Variants in CEP128 observed in about 807,000 individuals in gnomAD.
CEP128 encodes the protein centrosomal protein 128, also known as centrosomal protein 128kDa.
A neutral mutation model predicts 156.7 loss-of-function variants in CEP128; 132 were observed. The observed-to-expected ratio is 0.84, with a 90% CI of 0.73 to 0.97. The LOEUF (loss-of-function observed/expected upper bound fraction) is 0.97. Ranked by LOEUF, CEP128 falls within the 50% of genes least tolerant of loss-of-function variation. The probability of loss-of-function intolerance (pLI) is 0.00; values close to 1 mark genes in which losing one functional copy is unlikely to be tolerated. For missense variants in CEP128, 1,252 were observed against 1,281.9 expected (o/e 0.98, Z 0.36); for synonymous variants, 469 against 448.9 (o/e 1.04, Z -0.57).
intron 8 of CEP128, among the ~76,000 whole-genome samples, chr14:80,879,605 A>G: frequency 6.6e-6 from 1 of 152,152 alleles, no homozygotes; most frequent in South Asian, 2.1e-4. Context: ...CAGAAGAGAC[A>G]GTTTGTGAAT....
At chr14:80,900,079 C>T in intron 6 of CEP128, 50 bp from the exon 7 acceptor site, 1 of 1,157,018 alleles carries the variant, frequency 8.6e-7, no homozygotes, top group South Asian at 1.3e-5. Context: ...TTGAATTCTT[C>T]CATGAAGATT....
intron 19 of CEP128, among the ~76,000 whole-genome samples, chr14:80,623,454 TATA>T (rs1359590612): frequency 2.0e-5 from 3 of 151,336 alleles, no homozygotes; most frequent in African/African-American, 4.8e-5. Context: ...ATACTTAAAG[TATA>T]ATAATAATAA....
chr14:80,592,460 C>G (rs1892118865), intron 19 of CEP128, among the ~76,000 whole-genome samples: 1 of 152,144 alleles, frequency 6.6e-6, no homozygotes, highest in African/African-American at 2.4e-5. Context: ...TAGGAAGAAG[C>G]TGAATCCCTG....
At chr14:80,675,729 T>C (rs1287969106) in intron 19 of CEP128, among the ~76,000 whole-genome samples, 3 of 152,110 alleles carry the variant, frequency 2.0e-5, no homozygotes, top group East Asian at 3.9e-4. Flanking sequence ...AACAGAAATA[T>C]TTAATTTTAA....
chr14:80,687,306 T>C (rs1019021011), intron 19 of CEP128, among the ~76,000 whole-genome samples: 2 of 151,996 alleles, frequency 1.3e-5, no homozygotes, highest in South Asian at 4.1e-4. Flanking sequence ...CAATTCACAA[T>C]AGCAATGACA....
chr14:80,925,252 GCA>G (rs1031298875), intron 2 of CEP128, among the ~76,000 whole-genome samples: 6 of 151,724 alleles, frequency 4.0e-5, no homozygotes, highest in South Asian at 2.1e-4. Context: ...GAAAAAAAAT[GCA>G]CAGTGAGAAA....
chr14:80,584,201 C>T (rs1891715510), intron 19 of CEP128, among the ~76,000 whole-genome samples: 1 of 135,264 alleles, frequency 7.4e-6, no homozygotes, highest in African/African-American at 2.9e-5. Context: ...GACTGGAGTG[C>T]AGTGGCGCCA....
intron 19 of CEP128, among the ~76,000 whole-genome samples, chr14:80,614,467 T>C (rs1893131276): frequency 6.6e-6 from 1 of 152,196 alleles, no homozygotes; most frequent in African/African-American, 2.4e-5. Flanking sequence ...ATTCCCCTTC[T>C]ATGGCTACAT....
At chr14:80,879,499 T>C (rs2556610) in intron 8 of CEP128, among the ~76,000 whole-genome samples, 74,704 of 151,640 alleles carry the variant, frequency 0.49, 18,896 homozygotes, top group African/African-American at 0.57. Flanking sequence ...AGATACATGT[T>C]ATTAAAAAAA....
chr14:80,957,626 G>C (rs533542032), intron 2 of CEP128, among the ~76,000 whole-genome samples: 7 of 152,324 alleles, frequency 4.6e-5, no homozygotes, highest in African/African-American at 1.4e-4. Context: ...ATGTGGCTCT[G>C]ACAGTGAAAA....
intron 13 of CEP128, among the ~76,000 whole-genome samples, chr14:80,817,706 C>T (rs1208604614): frequency 6.6e-6 from 1 of 152,062 alleles, no homozygotes; most frequent in Non-Finnish European, 1.5e-5. Flanking sequence ...CGTGATGAAA[C>T]CCCATCTCTA....
At chr14:80,806,802 TA>T (rs33916139) in intron 13 of CEP128, among the ~76,000 whole-genome samples, 150,277 of 152,062 alleles carry the variant, frequency 0.99, 74,294 homozygotes, top group Middle Eastern at 1. Flanking sequence ...CAGATCAATT[TA>T]AAAAAAAAGT....
chr14:80,573,210 C>A (rs559054326), intron 20 of CEP128, among the ~76,000 whole-genome samples: 1 of 152,268 alleles, frequency 6.6e-6, no homozygotes, highest in South Asian at 2.1e-4. Context: ...TAGGCATGAG[C>A]CACCTCGCCC....
intron 19 of CEP128, among the ~76,000 whole-genome samples, chr14:80,683,882 A>G (rs1896421341): frequency 6.6e-6 from 1 of 152,156 alleles, no homozygotes; most frequent in Non-Finnish European, 1.5e-5. Flanking sequence ...GTAAAAAACA[A>G]AATTCTTTGA....
intron 18 of CEP128, among the ~76,000 whole-genome samples, chr14:80,748,196 T>C (rs1360527093): frequency 1.3e-5 from 2 of 152,196 alleles, no homozygotes; most frequent in Non-Finnish European, 2.9e-5. Flanking sequence ...TAAATTGGGC[T>C]GTGCACTTCC....
chr14:80,554,544 ATTAT>A (rs1034024256), intron 21 of CEP128, among the ~76,000 whole-genome samples: 46 of 152,132 alleles, frequency 3.0e-4, no homozygotes, highest in Non-Finnish European at 8.8e-5. Flanking sequence ...GTTGATTAAA[ATTAT>A]TTATTTAAAA....
In CEP128 at chr14:80,572,347, T is replaced by C. The variant is rs1303917482; in HGVS notation, c.2856+8027A>G. Among the ~76,000 whole-genome samples the C allele has an allele frequency of 2.6e-5, 4 of 152,324 alleles. No homozygotes were observed. In the East Asian group the frequency reaches 7.7e-4, roughly 29 times the overall value. ...TTTGTTTCATGAGTCAATGAAAATGTGTTTCAACCAGAAAGGTATTATTGC... is the reference window on the plus strand; with the variant it reads ...TTTGTTTCATGAGTCAATGAAAATGCGTTTCAACCAGAAAGGTATTATTGC... On this transcript the variant is annotated intron_variant, in intron 20 of 24. Coordinates refer to ENST00000555265, the MANE Select transcript of CEP128 (RefSeq NM_152446.5).
chr14:80,877,524 T>C (rs1242326547), intron 8 of CEP128, among the ~76,000 whole-genome samples: 1 of 152,162 alleles, frequency 6.6e-6, no homozygotes, highest in Non-Finnish European at 1.5e-5. Context: ...AGCACTTTTC[T>C]CCACCACAAG....
chr14:80,650,874 A>C (rs1894873398), intron 19 of CEP128, among the ~76,000 whole-genome samples: 1 of 151,866 alleles, frequency 6.6e-6, no homozygotes, highest in Admixed American at 6.6e-5. Context: ...CTGGCCTGAA[A>C]TTTTCTTTTT....
Sources: gnomAD v4.1 joint callset for allele counts (sites outside exome capture counted in the v4.1 genomes callset) on GRCh38, gnomAD v4.1.1 for gene constraint, MANE v1.5 for transcripts, NCBI Gene and HGNC (gene_info 2026-07-23, HGNC 2026-07-21) for gene names.